FNBP1: variants seen among roughly 807,000 people sequenced by gnomAD.
The protein encoded by FNBP1 is formin-binding protein 1.
FNBP1 carries 26 observed loss-of-function variants against 90.6 expected under a neutral mutation model. That is an observed-to-expected ratio of 0.29 (90% CI 0.21 to 0.40). The LOEUF is 0.40. Ranked by LOEUF, FNBP1 falls within the 10% of genes least tolerant of loss-of-function variation. The probability of loss-of-function intolerance (pLI) is 1.00; values close to 1 mark genes in which losing one functional copy is unlikely to be tolerated. For missense variants in FNBP1, 635 were observed against 768.0 expected (o/e 0.83, Z 2.05); for synonymous variants, 260 against 265.2 (o/e 0.98, Z 0.19).
chr9:129,947,018 T>C (rs1221361192), intron 6 of FNBP1, among the ~76,000 whole-genome samples: 1 of 152,182 alleles, frequency 6.6e-6, no homozygotes, highest in African/African-American at 2.4e-5. Context: ...CAAGTTTGTA[T>C]AGCATGGTGT....
intron 1 of FNBP1, among the ~76,000 whole-genome samples, chr9:129,999,578 G>A (rs1028874239): frequency 3.4e-4 from 51 of 150,514 alleles, no homozygotes; most frequent in Admixed American, 7.3e-4. Context: ...AGCCTGGGGC[G>A]ACAGAGTGAG....
chr9:129,978,043 C>T (rs113464756), intron 4 of FNBP1, among the ~76,000 whole-genome samples: 4 of 150,540 alleles, frequency 2.7e-5, no homozygotes, highest in African/African-American at 2.4e-5. Context: ...CTTTTTGAGA[C>T]GGAGTCTTGC....
chr9:129,971,595 C>T (rs982928537), intron 4 of FNBP1, among the ~76,000 whole-genome samples: 2 of 151,972 alleles, frequency 1.3e-5, no homozygotes, highest in African/African-American at 4.8e-5. Flanking sequence ...TTCACCATGT[C>T]GGCCAGGCTG....
At chr9:129,923,017 G>T (rs1017694069) in intron 10 of FNBP1, among the ~76,000 whole-genome samples, 6 of 151,564 alleles carry the variant, frequency 4.0e-5, no homozygotes, top group Non-Finnish European at 7.4e-5. Context: ...CACTGCGCTT[G>T]TCCTATTAAT....
At chr9:130,038,891 T>C (rs2059585796) in intron 1 of FNBP1, among the ~76,000 whole-genome samples, 1 of 152,242 alleles carries the variant, frequency 6.6e-6, no homozygotes, top group Non-Finnish European at 1.5e-5. Context: ...CGAGGAAGGC[T>C]TAATTTTCCA....
chr9:129,985,807 A>C (rs2052092699), intron 2 of FNBP1, among the ~76,000 whole-genome samples: 1 of 151,962 alleles, frequency 6.6e-6, no homozygotes, highest in African/African-American at 2.4e-5. Flanking sequence ...TACTAAAAAT[A>C]CAAAATCAGC....
intron 2 of FNBP1, among the ~76,000 whole-genome samples, chr9:129,984,720 G>C (rs535663059): frequency 6.6e-6 from 1 of 152,150 alleles, no homozygotes; most frequent in East Asian, 1.9e-4. Flanking sequence ...CCAGGGGGAA[G>C]TAATTGAATC....
chr9:130,053,759 G>A, the FNBP1 span: 3 of 622,734 alleles, frequency 4.8e-6, no homozygotes, highest in African/African-American at 1.9e-5. Flanking sequence ...GAAGGGCCCC[G>A]AGGTGGGCAG....
chr9:129,929,863 AG>A (rs2042465995), intron 6 of FNBP1, among the ~76,000 whole-genome samples, 168 bp from the exon 7 acceptor site: 5 of 152,134 alleles, frequency 3.3e-5, no homozygotes, highest in Admixed American at 3.3e-4. Context: ...ACTTTAGGTA[AG>A]CAATGTGCAT....
intron 12 of FNBP1, among the ~76,000 whole-genome samples, chr9:129,903,562 A>G (rs2037377828): frequency 6.6e-6 from 1 of 152,198 alleles, no homozygotes; most frequent in Admixed American, 6.5e-5. Flanking sequence ...TATTGTCCCC[A>G]ATAACTGAGA....
chr9:129,960,903 C>T (rs2047706402), intron 4 of FNBP1, among the ~76,000 whole-genome samples: 1 of 151,900 alleles, frequency 6.6e-6, no homozygotes, highest in African/African-American at 2.4e-5. Flanking sequence ...CAGGGTGACT[C>T]CGAGGTTGTC....
At chr9:129,951,590 C>T (rs1326165544) in intron 6 of FNBP1, among the ~76,000 whole-genome samples, 1 of 151,792 alleles carries the variant, frequency 6.6e-6, no homozygotes, top group East Asian at 2.0e-4. Flanking sequence ...TCCAAGGGCA[C>T]ACCACCATGC....
chr9:130,050,801 C>T, the FNBP1 span, among the ~76,000 whole-genome samples: 5 of 141,352 alleles, frequency 3.5e-5, no homozygotes, highest in Admixed American at 3.8e-4. Context: ...TCACCATGCC[C>T]GCTAATTTTT....
In FNBP1 at chr9:129,923,871, G is replaced by C; in HGVS notation, c.1143C>G (p.Ile381Met). 1 of 1,601,014 alleles carries C rather than the reference G, an allele frequency of 6.2e-7. No homozygotes were observed. The highest frequency in any genetic ancestry group is 8.5e-7 in the Non-Finnish European group (1 of 1,174,486). The change falls in exon 10 of 17, where the codon ATC becomes ATG. Residue 381 changes from isoleucine (I) to methionine (M), a missense_variant. Physicochemically the swap from Ile to Met is conservative, Grantham distance 10. Coordinates refer to ENST00000446176, the MANE Select transcript of FNBP1 (RefSeq NM_015033.3). Reference sequence around the variant, plus strand: ...CACGCTTTAGGCTCCTGAAGCAGTGGATTTTGGGTTTGGAGGTCATGAACT... The same window carrying C: ...CACGCTTTAGGCTCCTGAAGCAGTGCATTTTGGGTTTGGAGGTCATGAACT... The part of the protein sequence containing the change: ...FNEFMTSKPK[I>M]HCFRSLKRGL...
At chr9:129,988,536 G>C (rs1408082988) in intron 2 of FNBP1, among the ~76,000 whole-genome samples, 1 of 152,092 alleles carries the variant, frequency 6.6e-6, no homozygotes, top group Non-Finnish European at 1.5e-5. Context: ...AATTAGCCAG[G>C]CATGGTGGTG....
chr9:129,911,545 C>T (rs767733609), intron 11 of FNBP1, among the ~76,000 whole-genome samples: 2 of 152,146 alleles, frequency 1.3e-5, no homozygotes, highest in East Asian at 3.8e-4. Flanking sequence ...AGTGGCTGCC[C>T]GGGGAGGGCA....
rs904007583 is a variant in FNBP1 at position 129,926,899 on chromosome 9, A to AAAAAAG, written c.789+290_789+295dup. Reference sequence around the variant, plus strand: ...AGATTCCATCTCAAAAAGAAAAAAAAAAAAAGAAAAAGAAAAAGAAAAAGA... The same window carrying AAAAAAG: ...AGATTCCATCTCAAAAAGAAAAAAAAAAAAAGAAAAAGAAAAAGAAAAAGAAAAAGA... On this transcript the variant is annotated intron_variant, in intron 8 of 16. Coordinates refer to ENST00000446176, the MANE Select transcript of FNBP1 (RefSeq NM_015033.3). Among the ~76,000 whole-genome samples, 201 of 151,950 alleles carry AAAAAAG rather than the reference A, an allele frequency of 1.3e-3. 1 individual carries two copies. The highest frequency in any genetic ancestry group is 3.8e-3 in the African/African-American group (156 of 41,482).
rs2059914361 is a variant in FNBP1, at chr9:130,042,470, G to A, written c.24+482C>T. Among the ~76,000 whole-genome samples the A allele has an allele frequency of 6.6e-6, 1 of 151,400 alleles. No individual in the cohort carries two copies. Among genetic ancestry groups the A allele is most frequent in the African/African-American group, 2.4e-5 (1 of 41,278 alleles). Reference sequence around the variant, plus strand: ...AAACCCGACCCCCGGCGCTCGCCCCGGCCGCCCCGCTCCCGGGGAAGTGCC... The same window carrying A: ...AAACCCGACCCCCGGCGCTCGCCCCAGCCGCCCCGCTCCCGGGGAAGTGCC... On this transcript the variant is annotated intron_variant, in intron 1 of 16. Coordinates refer to ENST00000446176, the MANE Select transcript of FNBP1 (RefSeq NM_015033.3). This position sits in a 1 kb window ranked among gnomAD's most constrained non-coding sequence, Gnocchi z 5.5.
rs1418863522 is a variant in FNBP1, at chr9:129,966,264, G to A, written c.346-7711C>T. Among the ~76,000 whole-genome samples the A allele has an allele frequency of 2.6e-5, 4 of 152,204 alleles. No individual in the cohort carries two copies. Among genetic ancestry groups the A allele is most frequent in the Non-Finnish European group, 4.4e-5 (3 of 68,038 alleles). On this transcript the variant is annotated intron_variant, in intron 4 of 16. Coordinates refer to ENST00000446176, the MANE Select transcript of FNBP1 (RefSeq NM_015033.3). This position sits in a 1 kb window ranked among gnomAD's most constrained non-coding sequence, Gnocchi z 4.3. ...GGGTCTGAGGAATACCCTCCAAGCC[G>A]CAGGCAGAGCAAGTGCAGATGCTCT...
Sources: gnomAD v4.1 joint callset for allele counts (sites outside exome capture counted in the v4.1 genomes callset) on GRCh38, gnomAD v4.1.1 for gene constraint, Gnocchi (gnomAD v3.1) non-coding constraint, MANE v1.5 for transcripts, NCBI Gene and HGNC (gene_info 2026-07-23, HGNC 2026-07-21) for gene names.